The following LMTK2 variants were observed in gnomAD, a reference collection of about 807,000 sequenced individuals.
LMTK2 encodes the protein serine/threonine-protein kinase LMTK2.
In LMTK2, 37 loss-of-function variants were observed where a neutral mutation model predicts 127.5. That is an observed-to-expected ratio of 0.29 (90% CI 0.22 to 0.38). LMTK2 has a LOEUF of 0.38. Among genes scored for constraint, LMTK2 ranks in the 10% least tolerant of loss-of-function variants. LMTK2 has a pLI of 1.00. For synonymous variants in LMTK2, 819 were observed against 810.1 expected, an observed-to-expected ratio of 1.01 and a Z score of -0.19; for missense variants, 1,694 against 1,920.3, an observed-to-expected ratio of 0.88 and a Z score of 2.20.
At chr7:98,141,066 T>C (rs1171350985) in intron 2 of LMTK2, among the ~76,000 whole-genome samples, 6 of 119,490 alleles carry the variant, frequency 5.0e-5, no homozygotes, top group African/African-American at 1.6e-4. Flanking sequence ...CAAAACCTTG[T>C]CTCAAAAAAA....
chr7:98,108,277 C>T (rs1427096623), intron 1 of LMTK2, among the ~76,000 whole-genome samples: 1 of 152,112 alleles, frequency 6.6e-6, no homozygotes, highest in East Asian at 1.9e-4. Context: ...CTTAGATACC[C>T]CTAGTTGTAT....
At chr7:98,205,149 C>T (rs1188729606) in intron 13 of LMTK2, among the ~76,000 whole-genome samples, 2 of 152,242 alleles carry the variant, frequency 1.3e-5, no homozygotes, top group African/African-American at 4.8e-5. Flanking sequence ...TTATTTCCCT[C>T]GGCGCTAGGC....
chr7:98,132,964 T>C (rs1316639045), intron 1 of LMTK2, among the ~76,000 whole-genome samples: 1 of 152,222 alleles, frequency 6.6e-6, no homozygotes, highest in Admixed American at 6.5e-5. Flanking sequence ...AATTGCATTC[T>C]CCAAATTACC....
chr7:98,164,577 C>CT (rs1456722602), intron 6 of LMTK2, among the ~76,000 whole-genome samples: 2 of 152,202 alleles, frequency 1.3e-5, no homozygotes, highest in Non-Finnish European at 2.9e-5. Context: ...TTTTTAGTTA[C>CT]TAAAATTGAT....
intron 1 of LMTK2, among the ~76,000 whole-genome samples, chr7:98,131,711 A>G (rs1248784690): frequency 1.3e-5 from 2 of 152,170 alleles, no homozygotes; most frequent in African/African-American, 2.4e-5. Context: ...GTGAATTCTT[A>G]ATTATTCTTA....
chr7:98,127,817 A>T (rs896669127), intron 1 of LMTK2, among the ~76,000 whole-genome samples: 1 of 152,240 alleles, frequency 6.6e-6, no homozygotes, highest in Admixed American at 6.5e-5. Flanking sequence ...CACATACGCC[A>T]TAAATATATA....
At chr7:98,129,739 CCTTG>C (rs995713847) in intron 1 of LMTK2, among the ~76,000 whole-genome samples, 3 of 152,076 alleles carry the variant, frequency 2.0e-5, no homozygotes, top group African/African-American at 7.2e-5. Flanking sequence ...TGTTTCGTTC[CCTTG>C]CTTGCTTATT....
chr7:98,138,581 C>CA (rs1272193999), intron 2 of LMTK2, among the ~76,000 whole-genome samples: 2 of 152,206 alleles, frequency 1.3e-5, no homozygotes, highest in South Asian at 2.1e-4. Flanking sequence ...AACCCCTACA[C>CA]ACACTGCTAT....
intron 4 of LMTK2, among the ~76,000 whole-genome samples, chr7:98,153,863 C>CAA (rs576189874): frequency 7.1e-6 from 1 of 140,198 alleles, no homozygotes. Flanking sequence ...AAGACTGTCT[C>CAA]AAAAAAAAAA....
At chr7:98,138,236 C>T (rs559308294) in intron 2 of LMTK2, among the ~76,000 whole-genome samples, 9 of 152,174 alleles carry the variant, frequency 5.9e-5, no homozygotes, top group South Asian at 4.2e-4. Context: ...CTGTTGACCG[C>T]GCAGGGCTGG....
In LMTK2 at chr7:98,201,993, C is replaced by T. The variant is rs73710393; in HGVS notation, c.4108-1581C>T. The stretch of plus-strand genomic sequence containing the variant: ...TCTTTCACCAAATTTAAGAAGTTTT[C>T]AGGCATTCTTTTCTTCTAGTACTTT... On this transcript the variant is annotated intron_variant, in intron 11 of 13. Transcript: ENST00000297293. Among the ~76,000 whole-genome samples the T allele has an allele frequency of 3.3e-3, 507 of 152,332 alleles. 7 individuals are homozygous for T. The highest frequency in any genetic ancestry group is 0.012 in the African/African-American group (487 of 41,576).
At chr7:98,145,299 C>T (rs1334452004) in intron 3 of LMTK2, among the ~76,000 whole-genome samples, 1 of 150,496 alleles carries the variant, frequency 6.6e-6, no homozygotes, top group East Asian at 2.0e-4. Flanking sequence ...AAATCAATCA[C>T]ACATACAAAA....
At chr7:98,148,492 C>CA (rs1202150647) in intron 3 of LMTK2, among the ~76,000 whole-genome samples, 6,313 of 135,284 alleles carry the variant, frequency 0.047, 470 homozygotes, top group East Asian at 0.32. Context: ...GACTCCGTCT[C>CA]AAAAAAAAAA....
At chr7:98,122,837 T>C (rs1390912922) in intron 1 of LMTK2, among the ~76,000 whole-genome samples, 2 of 151,942 alleles carry the variant, frequency 1.3e-5, no homozygotes, top group Non-Finnish European at 2.9e-5. Flanking sequence ...CTTTTAAACA[T>C]GCTTTTCTCC....
intron 9 of LMTK2, among the ~76,000 whole-genome samples, chr7:98,187,696 C>T (rs1167686097): frequency 7.9e-6 from 1 of 126,146 alleles, no homozygotes. Context: ...CTGCAGTGTC[C>T]ACCTCCCTGG....
At chr7:98,134,144 C>A (rs1273656554) in intron 1 of LMTK2, among the ~76,000 whole-genome samples, 1 of 152,222 alleles carries the variant, frequency 6.6e-6, no homozygotes, top group East Asian at 1.9e-4. Context: ...CACCTGGGTT[C>A]ATGGGCATAT....
intron 2 of LMTK2, among the ~76,000 whole-genome samples, chr7:98,140,759 A>G (rs1562903173): frequency 6.6e-6 from 1 of 152,148 alleles, no homozygotes; most frequent in East Asian, 1.9e-4. Flanking sequence ...CACAAAAGTA[A>G]TAATATTAAA....
At chr7:98,144,560 C>T (rs1018323120) in intron 3 of LMTK2, among the ~76,000 whole-genome samples, 4 of 152,078 alleles carry the variant, frequency 2.6e-5, no homozygotes, top group Non-Finnish European at 5.9e-5. Flanking sequence ...GTTTTTCATA[C>T]ACCTTTCTCG....
Position 98,209,351 on chromosome 7 carries a change from CG to C in LMTK2, c.*3862del, listed in dbSNP as rs1384817482. The C allele has an allele frequency of 1.3e-5, 2 of 152,288 alleles. No individual in the cohort carries two copies. Among genetic ancestry groups the C allele is most frequent in the East Asian group, 3.9e-4 (2 of 5,188 alleles). 9.4% of individuals were successfully genotyped at this position (152,288 alleles called of 1,614,324 possible). ...AGCACTCAGGCCTACGTGGGCCGAG[CG>C]GGATCTTGATCATGGGGCTGGTGTA... is the stretch of plus-strand genomic sequence containing the variant. On this transcript the variant is annotated 3_prime_UTR_variant, in exon 14 of 14. Transcript: ENST00000297293.
Sources: allele counts gnomAD v4.1 joint callset (sites outside exome capture counted in the v4.1 genomes callset), GRCh38; gene constraint gnomAD v4.1.1; transcripts MANE v1.5; gene names NCBI Gene and HGNC (gene_info 2026-07-23, HGNC 2026-07-21).